The following ANKRD26 variants were observed in gnomAD, a reference collection of about 807,000 sequenced individuals.
ANKRD26 encodes the protein ankyrin repeat domain-containing protein 26.
A neutral mutation model predicts 208.7 loss-of-function variants in ANKRD26; 141 were observed. The observed-to-expected ratio is 0.68, with a 90% confidence interval of 0.59 to 0.78. The LOEUF (loss-of-function observed/expected upper bound fraction) is 0.78, where lower values mean the gene tolerates loss of function less well. Among genes scored for constraint, ANKRD26 ranks in the 30% least tolerant of loss-of-function variants. ANKRD26 has a pLI of 0.00. For missense variants in ANKRD26, 1,889 were observed against 1,938.7 expected (o/e 0.97, Z 0.48); for synonymous variants, 636 against 660.4 (o/e 0.96, Z 0.57).
At chr10:26,986,278 C>A (rs1409498275) in intron 3 of ANKRD26, among the ~76,000 whole-genome samples, 1 of 152,064 alleles carries the variant, frequency 6.6e-6, no homozygotes, top group East Asian at 1.9e-4. Context: ...TAAAATTAAT[C>A]CAAGATGGAA....
intron 3 of ANKRD26, among the ~76,000 whole-genome samples, chr10:27,093,060 G>C (rs1388573788): frequency 3.3e-5 from 5 of 151,632 alleles, no homozygotes; most frequent in African/African-American, 1.2e-4. Flanking sequence ...CTGCACTTTA[G>C]ACTGGGAGAC....
downstream of ANKRD26, among the ~76,000 whole-genome samples, chr10:26,990,178 T>TA (rs1413875400): frequency 2.6e-5 from 4 of 152,254 alleles, no homozygotes; most frequent in Admixed American, 6.5e-5. Flanking sequence ...CATTGTAACT[T>TA]AGAGTCTGCT....
chr10:27,092,820 C>T (rs935583791), intron 3 of ANKRD26, among the ~76,000 whole-genome samples: 8 of 152,190 alleles, frequency 5.3e-5, no homozygotes, highest in Non-Finnish European at 1.0e-4. Context: ...CAGTGGCTCC[C>T]ACCTGTAATA....
rs781405358 is a variant in ANKRD26 at position 27,013,026 on chromosome 10, G to T, written c.4809C>A (p.Thr1603=). The change falls in exon 32 of 34, where the codon ACC becomes ACA. Residue 1603 remains threonine (T), a synonymous_variant. Transcript: ENST00000376087. ...CACAAGGTGGCTCCATGACTGGCCT[G>T]GTAGTGAGAGTGGTGAACAAAGATC... The part of the protein sequence containing the change: ...QSRSLFTTLT[T]RPVMEPPCVG... The T allele has an allele frequency of 6.2e-7, 1 of 1,614,050 alleles. No individual in the cohort carries two copies. The highest frequency in any genetic ancestry group is 1.3e-5 in the African/African-American group (1 of 75,028).
intron 17 of ANKRD26, among the ~76,000 whole-genome samples, chr10:27,047,727 AATAATAATAATAATT>A (rs1400918455): frequency 1.3e-4 from 16 of 126,868 alleles, no homozygotes; most frequent in Non-Finnish European, 1.9e-4. Flanking sequence ...TACTACTAAT[AATAATAATAATAATT>A]ATTATTATTA....
chr10:27,061,058 C>T, intron 13 of ANKRD26, 86 bp downstream of exon 13: 1 of 1,019,374 alleles, frequency 9.8e-7, no homozygotes. Flanking sequence ...ACTTATTTCT[C>T]ATCAGAGAAA....
rs1340915495 is a variant in ANKRD26 at position 27,043,539 on chromosome 10, T to A, written c.2048A>T (p.Asp683Val). Residue 683 changes from aspartate (D) to valine (V), a missense_variant, in exon 20 of 34, where the codon GAT becomes GTT. Transcript: ENST00000376087. ...AGATGACTGAGTTAAGTCATCAACA[T>A]CATCCATAGACTGTATTTGGTTTTT... ...KVKNQIQSMD[D>V]VDDLTQSSET... The A allele has an allele frequency of 1.9e-6, 3 of 1,613,906 alleles. No individual in the cohort carries two copies. Among genetic ancestry groups the A allele is most frequent in the East Asian group, 4.5e-5 (2 of 44,848 alleles).
At chr10:27,031,566 C>T (rs1317409951) in intron 25 of ANKRD26, among the ~76,000 whole-genome samples, 1 of 152,056 alleles carries the variant, frequency 6.6e-6, no homozygotes, top group Non-Finnish European at 1.5e-5. Flanking sequence ...GTGGTGATGG[C>T]TAAGGGATGT....
At chr10:27,025,010 C>G (rs2053613692) in intron 27 of ANKRD26, among the ~76,000 whole-genome samples, 1 of 152,166 alleles carries the variant, frequency 6.6e-6, no homozygotes, top group Non-Finnish European at 1.5e-5. Flanking sequence ...ATCTCTCATT[C>G]TCTATAAACA....
intron 17 of ANKRD26, among the ~76,000 whole-genome samples, chr10:27,048,477 A>ACT (rs2054536238): frequency 6.6e-6 from 1 of 152,204 alleles, no homozygotes; most frequent in Non-Finnish European, 1.5e-5. Flanking sequence ...TGTTAGGTTA[A>ACT]AGATAGGAAA....
downstream of ANKRD26, among the ~76,000 whole-genome samples, chr10:27,001,521 A>C (rs1244818992): frequency 6.6e-6 from 1 of 152,190 alleles, no homozygotes; most frequent in Non-Finnish European, 1.5e-5. Context: ...ATAGGGCACA[A>C]AAGATTGGTT....
the ANKRD26 span, among the ~76,000 whole-genome samples, chr10:26,962,645 G>A: frequency 6.6e-6 from 1 of 152,154 alleles, no homozygotes; most frequent in Non-Finnish European, 1.5e-5. Context: ...GTACTTAGGA[G>A]GCTGAGGCAG....
At chr10:26,987,797 A>G (rs1589168781), downstream of ANKRD26, among the ~76,000 whole-genome samples, 1 of 152,218 alleles carries the variant, frequency 6.6e-6, no homozygotes, top group East Asian at 1.9e-4. Context: ...GGGTCTCAAG[A>G]GAATGCGGTA....
chr10:26,978,650 G>C (rs959559149), intron 5 of ANKRD26, among the ~76,000 whole-genome samples: 1 of 151,980 alleles, frequency 6.6e-6, no homozygotes, highest in African/African-American at 2.4e-5. Context: ...CCTCTGCCTG[G>C]TCCTGTCTGG....
chr10:26,997,602 TGTGTTGGGAGAAAAGCTGA>T (rs2052621708), intron 4 of ANKRD26, among the ~76,000 whole-genome samples: 1 of 152,134 alleles, frequency 6.6e-6, no homozygotes, highest in Admixed American at 6.5e-5. Context: ...AGAAGTTAAT[TGTGTTGGGAGAAAAGCTGA>T]GTGTTGGGAG....
At chr10:27,073,779 G>C (rs989481106) in intron 9 of ANKRD26, among the ~76,000 whole-genome samples, 8 of 152,178 alleles carry the variant, frequency 5.3e-5, no homozygotes, top group Non-Finnish European at 1.0e-4. Context: ...TGGAGAATGA[G>C]ATAAGATTCG....
At chr10:26,982,713 T>C (rs1316024518) in exon 4 of ANKRD26, among the ~76,000 whole-genome samples, 1 of 152,222 alleles carries the variant, frequency 6.6e-6, no homozygotes, top group African/African-American at 2.4e-5. Flanking sequence ...GTTCAGGCTA[T>C]GCTACTGCCT....
intron 18 of ANKRD26, 179 bp downstream of exon 18, chr10:27,046,174 C>T (rs978635992): frequency 1.5e-6 from 1 of 681,240 alleles, no homozygotes; most frequent in African/African-American, 1.8e-5. Flanking sequence ...AGTCAGGGCT[C>T]CATGGTGACC....
intron 18 of ANKRD26, chr10:27,045,981 T>G (rs1162268499): frequency 1.9e-5 from 3 of 160,484 alleles, no homozygotes; most frequent in Admixed American, 6.2e-5. Flanking sequence ...CTAAATTTCA[T>G]AAGCATTTCC....
Sources: gnomAD v4.1 joint callset for allele counts (sites outside exome capture counted in the v4.1 genomes callset) on GRCh38, gnomAD v4.1.1 for gene constraint, MANE v1.5 for transcripts, NCBI Gene and HGNC (gene_info 2026-07-23, HGNC 2026-07-21) for gene names.